Variants in ARL5C observed in about 807,000 individuals in gnomAD.
The protein encoded by ARL5C is putative ADP-ribosylation factor-like protein 5C.
ARL5C carries 21 observed loss-of-function variants against 20.8 expected under a neutral mutation model. That is an observed-to-expected ratio of 1.01 (90% CI 0.72 to 1.46). ARL5C has a LOEUF of 1.46. Among genes scored for constraint, ARL5C ranks in the 40% most tolerant of loss-of-function variants. The pLI is 0.00. For synonymous variants in ARL5C, 71 were observed against 81.6 expected (o/e 0.87, Z 0.70); for missense variants, 199 against 225.1 (o/e 0.88, Z 0.74).
At chr17:39,159,367 A>C in intron 5 of ARL5C, among the ~76,000 whole-genome samples, 1 of 138,144 alleles carries the variant, frequency 7.2e-6, no homozygotes, top group African/African-American at 2.7e-5. Context: ...TATGATCTTG[A>C]CTCACCGCAA....
chr17:39,160,368 G>C, intron 5 of ARL5C: 1 of 523,846 alleles, frequency 1.9e-6, no homozygotes. Flanking sequence ...TTTAGGCGGA[G>C]TGCTACCTCT....
chr17:39,165,449 G>T (rs2045458078), intron 1 of ARL5C: 2 of 589,400 alleles, frequency 3.4e-6, no homozygotes, highest in South Asian at 4.2e-5. Flanking sequence ...CAGGAAACTC[G>T]CAGCAGCCCC....
chr17:39,164,974 A>G (rs2045455335), intron 2 of ARL5C, 105 bp downstream of exon 2: 4 of 1,202,524 alleles, frequency 3.3e-6, no homozygotes, highest in Non-Finnish European at 4.8e-6. Context: ...TCCGGACTAC[A>G]GAGGAGCCCG....
intron 5 of ARL5C, among the ~76,000 whole-genome samples, chr17:39,158,125 G>GGA: frequency 8.6e-6 from 1 of 116,566 alleles, no homozygotes; most frequent in African/African-American, 3.3e-5. Context: ...GGGAGGGAGG[G>GGA]AGGGAGGAAG....
intron 4 of ARL5C, 89 bp downstream of exon 4, chr17:39,161,179 G>T: frequency 7.9e-7 from 1 of 1,270,210 alleles, no homozygotes; most frequent in Non-Finnish European, 1.1e-6. Flanking sequence ...AACTGGGACA[G>T]CAGGAACGAA....
intron 1 of ARL5C, chr17:39,165,423 C>T (rs1237119365): frequency 4.9e-5 from 29 of 588,986 alleles, no homozygotes; most frequent in Non-Finnish European, 8.4e-5. Context: ...AAGAGCATAA[C>T]GCGAAGTCAC....
In ARL5C at chr17:39,165,953, C is replaced by T. The variant is rs964390662; in HGVS notation, c.-193G>A. On this transcript the variant is annotated 5_prime_UTR_variant, in exon 1 of 6. Transcript: ENST00000269586. Reference sequence around the variant, plus strand: ...GGCCCTTCGTGGGCACTATGGACACCCCAGTGACTAAGGGCTGCCTGTCCC... The same window carrying T: ...GGCCCTTCGTGGGCACTATGGACACTCCAGTGACTAAGGGCTGCCTGTCCC... 1.3e-5 allele frequency: 8 copies of T among 622,808 alleles called. No individual in the cohort carries two copies. The Admixed American group carries it at 2.2e-4, about 17-fold the overall frequency. The allele number at this position is 622,808 out of a possible 1,614,324, so 38.6% of individuals were successfully genotyped here.
chr17:39,161,472 C>A, intron 3 of ARL5C, 121 bp from the exon 4 acceptor site: 1 of 833,052 alleles, frequency 1.2e-6, no homozygotes, highest in Non-Finnish European at 1.9e-6. Context: ...GAAATGAAAG[C>A]ATGCAGCCTC....
chr17:39,164,701 T>A (rs1473110659), intron 2 of ARL5C, among the ~76,000 whole-genome samples: 5 of 152,000 alleles, frequency 3.3e-5, no homozygotes, highest in Non-Finnish European at 7.4e-5. Flanking sequence ...AGAGCCTCAG[T>A]GAGCCTTTGG....
intron 2 of ARL5C, chr17:39,164,428 A>C (rs1046760798): frequency 1.3e-5 from 2 of 152,252 alleles, no homozygotes; most frequent in African/African-American, 4.8e-5. Flanking sequence ...GCAAAGTTAC[A>C]ATAGGAGGAA....
chr17:39,158,913 A>G (rs888684186), intron 5 of ARL5C, among the ~76,000 whole-genome samples: 1 of 151,290 alleles, frequency 6.6e-6, no homozygotes, highest in Admixed American at 6.6e-5. Flanking sequence ...CCTGGCCCCA[A>G]GCCATCCTCC....
chr17:39,158,088 T>A (rs1597667155), intron 5 of ARL5C, among the ~76,000 whole-genome samples: 1 of 110,122 alleles, frequency 9.1e-6, no homozygotes, highest in Non-Finnish European at 1.7e-5. Flanking sequence ...ACAGAGCAAG[T>A]GGCCGTCGAA....
At chr17:39,163,768 A>T (rs994204064) in intron 2 of ARL5C, among the ~76,000 whole-genome samples, 1 of 148,084 alleles carries the variant, frequency 6.8e-6, no homozygotes, top group African/African-American at 2.5e-5. Context: ...GCAGTGGCAC[A>T]ATCTCAGCTC....
Position 39,162,661 on chromosome 17 carries a change from G to T in ARL5C, c.255+50C>A, listed in dbSNP as rs191864764. 7.4e-3 allele frequency: 11,317 copies of T among 1,535,224 alleles called. 61 individuals are homozygous for T. Among genetic ancestry groups the T allele is most frequent in the Non-Finnish European group, 8.1e-3 (9,218 of 1,136,418 alleles). On this transcript the variant is annotated intron_variant, in intron 3 of 5. Coordinates refer to ENST00000269586, the MANE Select transcript of ARL5C (RefSeq NM_001143968.1). ...GCTCAGAAAGGTTACATGACAGTCTGATATCACACGCCTGCCTTGGAGACC... is the reference window on the plus strand; with the variant it reads ...GCTCAGAAAGGTTACATGACAGTCTTATATCACACGCCTGCCTTGGAGACC...
chr17:39,166,112 C>T lies in ARL5C; in HGVS notation c.-352G>A. 1 of 306,838 alleles carries T rather than the reference C, an allele frequency of 3.3e-6. No homozygotes were observed. The highest frequency in any genetic ancestry group is 3.9e-5 in the South Asian group (1 of 25,572). The allele number at this position is 306,838 out of a possible 1,614,324, so 19.0% of individuals were successfully genotyped here. A position where few individuals can be genotyped will look rare whatever the true frequency, so the allele number is the denominator to read the frequency against. The stretch of plus-strand genomic sequence containing the variant: ...GGGAGACTCAGCACTGCGCGCGGAA[C>T]CGGATCCCAGCTCTCCCTCCTCTGA... On this transcript the variant is annotated 5_prime_UTR_variant, in exon 1 of 6. Transcript: ENST00000269586.
Position 39,158,129 on chromosome 17 carries a change from G to A in ARL5C, c.492-1187C>T, listed in dbSNP as rs143052705. Among the ~76,000 whole-genome samples, 713 of 94,640 alleles carry A rather than the reference G, an allele frequency of 7.5e-3. 7 individuals carry two copies. Among genetic ancestry groups the A allele is most frequent in the African/African-American group, 0.028 (629 of 22,198 alleles). 62.1% of individuals were successfully genotyped at this position (94,640 alleles called of 152,430 possible). On this transcript the variant is annotated intron_variant, in intron 5 of 5. Coordinates refer to ENST00000269586, the MANE Select transcript of ARL5C (RefSeq NM_001143968.1). ...GGAAGGAGGGAGGGAGGGAGGGAGGGAGGAAGGAAGGAAGGAAGGAAGAGA... is the reference window on the plus strand; with the variant it reads ...GGAAGGAGGGAGGGAGGGAGGGAGGAAGGAAGGAAGGAAGGAAGGAAGAGA...
intron 2 of ARL5C, among the ~76,000 whole-genome samples, chr17:39,163,927 G>A (rs2045450213): frequency 6.6e-6 from 1 of 151,568 alleles, no homozygotes; most frequent in African/African-American, 2.4e-5. Flanking sequence ...ACCACGCCCA[G>A]CTAATTTTTA....
intron 5 of ARL5C, chr17:39,160,341 A>C: frequency 2.6e-6 from 1 of 383,108 alleles, no homozygotes; most frequent in Non-Finnish European, 4.7e-6. Flanking sequence ...AAAAAAAAAG[A>C]GAGAGAGATT....
intron 5 of ARL5C, among the ~76,000 whole-genome samples, chr17:39,158,615 CAAA>C (rs35435843): frequency 3.2e-5 from 4 of 123,704 alleles, no homozygotes; most frequent in Non-Finnish European, 3.6e-5. Flanking sequence ...GACCCTGCCT[CAAA>C]AAAAAAAAAA....
Sources: allele counts gnomAD v4.1 joint callset (sites outside exome capture counted in the v4.1 genomes callset), GRCh38; gene constraint gnomAD v4.1.1; transcripts MANE v1.5; gene names NCBI Gene and HGNC (gene_info 2026-07-23, HGNC 2026-07-21).